Variants in TTC7B observed in about 807,000 individuals in gnomAD.
The protein encoded by TTC7B is tetratricopeptide repeat protein 7B.
A neutral mutation model predicts 106.8 loss-of-function variants in TTC7B; 28 were observed. The observed-to-expected ratio is 0.26, with a 90% CI of 0.19 to 0.36. The LOEUF (loss-of-function observed/expected upper bound fraction) is 0.36. Ranked by LOEUF, TTC7B falls within the 10% of genes least tolerant of loss-of-function variation. The pLI is 1.00. For missense variants in TTC7B, 862 were observed against 1,076.4 expected (o/e 0.80, Z 2.79); for synonymous variants, 405 against 430.6 (o/e 0.94, Z 0.74).
chr14:90,753,730 G>A (rs1890204037), intron 3 of TTC7B, among the ~76,000 whole-genome samples: 1 of 152,208 alleles, frequency 6.6e-6, no homozygotes, highest in Admixed American at 6.5e-5. Context: ...CCTTCTGAGT[G>A]CTTTCCTGAA....
intron 2 of TTC7B, among the ~76,000 whole-genome samples, chr14:90,782,763 G>A (rs1891261235): frequency 6.6e-6 from 1 of 152,164 alleles, no homozygotes; most frequent in African/African-American, 2.4e-5. Flanking sequence ...AGAGGAGGGG[G>A]AATGAGGAGT....
intron 5 of TTC7B, among the ~76,000 whole-genome samples, chr14:90,720,784 G>A (rs1039916207): frequency 6.6e-6 from 1 of 152,154 alleles, no homozygotes; most frequent in Non-Finnish European, 1.5e-5. Flanking sequence ...AAAGAAAATA[G>A]TATTATCTTC....
chr14:90,704,295 A>T (rs1246866336), intron 5 of TTC7B, among the ~76,000 whole-genome samples: 1 of 152,242 alleles, frequency 6.6e-6, no homozygotes, highest in Non-Finnish European at 1.5e-5. Flanking sequence ...CTTTGGTTTA[A>T]TAGAAAACAG....
chr14:90,571,934 G>A (rs1465953908), intron 19 of TTC7B, among the ~76,000 whole-genome samples: 4 of 152,208 alleles, frequency 2.6e-5, no homozygotes, highest in Non-Finnish European at 5.9e-5. Context: ...GTTTCTGGAG[G>A]AGCCCCCTGG....
intron 1 of TTC7B, among the ~76,000 whole-genome samples, chr14:90,801,323 G>T (rs1279896663): frequency 6.6e-6 from 1 of 151,952 alleles, no homozygotes; most frequent in Non-Finnish European, 1.5e-5. Context: ...TCCCCGGAAG[G>T]AACGCGAAAC....
chr14:90,558,987 G>C (rs1350273233), intron 19 of TTC7B, among the ~76,000 whole-genome samples: 2 of 152,238 alleles, frequency 1.3e-5, no homozygotes, highest in Non-Finnish European at 2.9e-5. Context: ...GGTGACGGCA[G>C]AGACCCAGCC....
chr14:90,779,525 G>A (rs949712678), intron 3 of TTC7B, among the ~76,000 whole-genome samples: 5 of 152,110 alleles, frequency 3.3e-5, no homozygotes, highest in Non-Finnish European at 7.4e-5. Context: ...GGCTGGTCTC[G>A]AACTCCTGAC....
chr14:90,662,853 A>G (rs907066817), intron 9 of TTC7B, among the ~76,000 whole-genome samples: 17 of 152,342 alleles, frequency 1.1e-4, no homozygotes, highest in African/African-American at 4.1e-4. Flanking sequence ...ATTGTATCAT[A>G]CCTATCACTT....
intron 3 of TTC7B, among the ~76,000 whole-genome samples, chr14:90,761,101 G>A (rs150073004): frequency 2.8e-3 from 422 of 152,266 alleles, no homozygotes; most frequent in African/African-American, 9.8e-3. Flanking sequence ...CTGGGCTTAG[G>A]TCAAGCTAAC....
chr14:90,580,511 A>C (rs1831749730), intron 18 of TTC7B, among the ~76,000 whole-genome samples: 1 of 151,872 alleles, frequency 6.6e-6, no homozygotes, highest in African/African-American at 2.4e-5. Context: ...CCTCTGGCCC[A>C]GGGTGATATC....
intron 19 of TTC7B, among the ~76,000 whole-genome samples, chr14:90,546,039 C>T (rs758818659): frequency 6.6e-6 from 1 of 152,214 alleles, no homozygotes; most frequent in Non-Finnish European, 1.5e-5. Context: ...CAGGGGCTGC[C>T]AGCTCAGGCT....
intron 15 of TTC7B, among the ~76,000 whole-genome samples, chr14:90,637,072 C>G (rs1169001645): frequency 6.7e-6 from 1 of 150,214 alleles, no homozygotes. Context: ...AAAGTAAACC[C>G]ACAAGTGAGT....
rs557713945 is a variant in TTC7B at position 90,799,524 on chromosome 14, G to C, written c.122-13196C>G. ...GGACTAGGTGGTCAGATCAGGGAAA[G>C]ACTCAAGGGCAGGGCATCCAAGACT... On this transcript the variant is annotated intron_variant, in intron 1 of 19. Coordinates refer to ENST00000328459, the MANE Select transcript of TTC7B (RefSeq NM_001010854.2). Among the ~76,000 whole-genome samples, 8 of 152,296 alleles carry C rather than the reference G, an allele frequency of 5.3e-5. No individual in the cohort carries two copies. The East Asian group carries it at 1.5e-3, about 29-fold the overall frequency.
chr14:90,629,317 A>T (rs1884588401), intron 15 of TTC7B, among the ~76,000 whole-genome samples: 1 of 152,032 alleles, frequency 6.6e-6, no homozygotes, highest in African/African-American at 2.4e-5. Flanking sequence ...ACTAGAATTC[A>T]ATTGTGTTTG....
rs147660022 is a variant in TTC7B, at chr14:90,544,025, T to C, written c.2311-2436A>G. On this transcript the variant is annotated intron_variant, in intron 19 of 19. Coordinates refer to ENST00000328459, the MANE Select transcript of TTC7B (RefSeq NM_001010854.2). ...GTGTCCACCCAGGAGGAGCACGTGG[T>C]TGGGGTGACAGCCAAGGAGACCCAT... is the stretch of plus-strand genomic sequence containing the variant. 2.0e-4 allele frequency among the ~76,000 whole-genome samples: 30 copies of C among 152,246 alleles called. No homozygotes were observed. In the East Asian group the frequency reaches 5.8e-3, roughly 29 times the overall value.
rs1478936510 is a variant in TTC7B at position 90,598,475 on chromosome 14, G to A, written c.1967-4849C>T. 1.3e-5 allele frequency among the ~76,000 whole-genome samples: 2 copies of A among 152,202 alleles called. 1 individual carries two copies. Among genetic ancestry groups the A allele is most frequent in the East Asian group, 3.9e-4 (2 of 5,186 alleles). ...ATCACCATGCATGGGGGTAAGGAGG[G>A]GGGAAGGCAGCCGAGGACCTAGAAA... is the stretch of plus-strand genomic sequence containing the variant. On this transcript the variant is annotated intron_variant, in intron 17 of 19. Transcript: ENST00000328459.
chr14:90,668,524 A>T (rs1886501900), intron 9 of TTC7B, among the ~76,000 whole-genome samples: 2 of 152,210 alleles, frequency 1.3e-5, no homozygotes, highest in Non-Finnish European at 2.9e-5. Flanking sequence ...AGATTTTTAC[A>T]TTAGAAAGCA....
At position 90,816,101 on chromosome 14, in the gene TTC7B, C is replaced by T. The variant is rs978020552; in HGVS notation, c.121+74G>A. The T allele has an allele frequency of 3.1e-6, 3 of 975,282 alleles. No homozygotes were observed. In the African/African-American group the frequency reaches 5.4e-5, roughly 17 times the overall value. 60.4% of individuals were successfully genotyped at this position (975,282 alleles called of 1,614,324 possible). A position where few individuals can be genotyped will look rare whatever the true frequency, so the allele number is the denominator to read the frequency against. ...GCCCCTGCCCGCGCCCCGCGCCCGG[C>T]CGCGCCTCGGGGGCCCGTTCCCGCG... On this transcript the variant is annotated intron_variant, in intron 1 of 19. Transcript: ENST00000328459.
At chr14:90,580,252 A>G (rs1891433630) in intron 18 of TTC7B, among the ~76,000 whole-genome samples, 1 of 152,232 alleles carries the variant, frequency 6.6e-6, no homozygotes, top group South Asian at 2.1e-4. Flanking sequence ...GTAACTAACA[A>G]CAGCAGTAGC....
Sources: gnomAD v4.1 joint callset for allele counts (sites outside exome capture counted in the v4.1 genomes callset) on GRCh38, gnomAD v4.1.1 for gene constraint, MANE v1.5 for transcripts, NCBI Gene and HGNC (gene_info 2026-07-23, HGNC 2026-07-21) for gene names.